The following CADM2 variants were observed in gnomAD, a reference collection of about 807,000 sequenced individuals.
CADM2 encodes immunoglobulin superfamily member 4D.
A neutral mutation model predicts 49.8 loss-of-function variants in CADM2; 12 were observed. That is an observed-to-expected ratio of 0.24 (90% CI 0.15 to 0.39). CADM2 has a LOEUF of 0.39. CADM2 is among the 10% of genes least tolerant of loss of function. The pLI, the probability that CADM2 is intolerant of heterozygous loss-of-function variation, is 1.00. For missense variants in CADM2, 378 were observed against 492.3 expected, an observed-to-expected ratio of 0.77 and a Z score of 2.20; for synonymous variants, 214 against 175.4, an observed-to-expected ratio of 1.22 and a Z score of -1.74.
intron 1 of CADM2, among the ~76,000 whole-genome samples, chr3:85,633,064 G>C (rs12493621): frequency 0.34 from 50,827 of 151,694 alleles, 9,449 homozygotes; most frequent in East Asian, 0.64. Flanking sequence ...TACTATTTGT[G>C]AAGTCTATTG....
intron 3 of CADM2, among the ~76,000 whole-genome samples, chr3:85,817,084 C>A (rs1339800791): frequency 6.6e-6 from 1 of 152,160 alleles, no homozygotes; most frequent in African/African-American, 2.4e-5. Context: ...CTCTTGTGAG[C>A]CACCCTTGGA....
chr3:86,039,440 C>T (rs561614012), intron 8 of CADM2, among the ~76,000 whole-genome samples: 5 of 152,268 alleles, frequency 3.3e-5, no homozygotes, highest in Admixed American at 2.6e-4. Context: ...GATTATATCC[C>T]ACGCCTGGCT....
intron 2 of CADM2, among the ~76,000 whole-genome samples, chr3:85,748,551 A>C (rs929726131): frequency 1.3e-5 from 2 of 152,064 alleles, no homozygotes; most frequent in Non-Finnish European, 2.9e-5. Context: ...TGCAAATAGG[A>C]TGGAGAAGAC....
intron 1 of CADM2, among the ~76,000 whole-genome samples, chr3:85,415,589 G>T (rs1375023758): frequency 6.6e-6 from 1 of 152,112 alleles, no homozygotes; most frequent in Non-Finnish European, 1.5e-5. Flanking sequence ...GATTGCATAT[G>T]AAATTAGCAG....
intron 1 of CADM2, among the ~76,000 whole-genome samples, chr3:85,465,505 A>G (rs773328824): frequency 3.3e-5 from 5 of 152,096 alleles, no homozygotes; most frequent in Non-Finnish European, 5.9e-5. Context: ...AAATTTATAT[A>G]TATTAAGTAC....
chr3:85,818,373 C>G (rs1298819331), intron 3 of CADM2, among the ~76,000 whole-genome samples: 4 of 152,086 alleles, frequency 2.6e-5, no homozygotes, highest in Admixed American at 6.6e-5. Context: ...TGAGTCTGTG[C>G]GACAAACAGC....
At chr3:85,442,592 ATATATATATATATATATAT>A (rs2037258418) in intron 1 of CADM2, among the ~76,000 whole-genome samples, 1 of 10,750 alleles carries the variant, frequency 9.3e-5, no homozygotes, top group Non-Finnish European at 8.8e-4. Context: ...ATATGAGTAT[ATATATATATATATATATAT>A]ATATATATAT....
chr3:85,592,612 A>ATT (rs2063137071), intron 1 of CADM2, among the ~76,000 whole-genome samples: 1 of 151,942 alleles, frequency 6.6e-6, no homozygotes, highest in Non-Finnish European at 1.5e-5. Context: ...AAAAGCATAT[A>ATT]TATTGGTGAG....
At chr3:85,933,371 G>A (rs1720825259) in intron 6 of CADM2, among the ~76,000 whole-genome samples, 1 of 152,020 alleles carries the variant, frequency 6.6e-6, no homozygotes, top group Non-Finnish European at 1.5e-5. Flanking sequence ...AATTCAATTT[G>A]CTTTGCTCAT....
intron 1 of CADM2, among the ~76,000 whole-genome samples, chr3:85,313,041 C>T (rs1159877154): frequency 2.0e-5 from 3 of 152,178 alleles, no homozygotes; most frequent in Non-Finnish European, 4.4e-5. Flanking sequence ...AGCTAAACAG[C>T]ACCATACATG....
chr3:85,771,213 C>T (rs187479296), intron 2 of CADM2, among the ~76,000 whole-genome samples: 242 of 152,228 alleles, frequency 1.6e-3, no homozygotes, highest in African/African-American at 5.4e-3. Context: ...GGGTCAGTAA[C>T]ATTAAATAAT....
chr3:85,627,340 T>C (rs989695599), intron 1 of CADM2, among the ~76,000 whole-genome samples: 2 of 152,038 alleles, frequency 1.3e-5, no homozygotes, highest in Non-Finnish European at 2.9e-5. Flanking sequence ...TGGGTCCTGA[T>C]TGTTTTCCTT....
At chr3:85,016,994 C>T (rs1434811934) in intron 1 of CADM2, among the ~76,000 whole-genome samples, 1 of 151,982 alleles carries the variant, frequency 6.6e-6, no homozygotes, top group Admixed American at 6.6e-5. Context: ...TGAAATCCAC[C>T]CACCAAAGAG....
intron 2 of CADM2, among the ~76,000 whole-genome samples, chr3:85,734,728 A>T (rs2068063807): frequency 6.8e-6 from 1 of 147,710 alleles, no homozygotes. Context: ...TATCTTTTTA[A>T]ATATAATATG....
intron 1 of CADM2, among the ~76,000 whole-genome samples, chr3:84,980,253 A>T (rs917349046): frequency 1.3e-5 from 2 of 152,170 alleles, no homozygotes; most frequent in African/African-American, 4.8e-5. Context: ...CTGCAGCTGC[A>T]GAGAACATTC....
intron 1 of CADM2, among the ~76,000 whole-genome samples, chr3:85,114,528 C>G (rs1337849524): frequency 6.6e-6 from 1 of 152,136 alleles, no homozygotes; most frequent in Non-Finnish European, 1.5e-5. Context: ...AGACATGGCT[C>G]TAGAAGTCTG....
intron 7 of CADM2, among the ~76,000 whole-genome samples, chr3:85,954,936 A>G (rs1723864511): frequency 6.6e-6 from 1 of 151,204 alleles, no homozygotes; most frequent in African/African-American, 2.4e-5. Flanking sequence ...CAGGAAATAG[A>G]GAGGGATTAA....
intron 1 of CADM2, among the ~76,000 whole-genome samples, chr3:85,281,330 C>G (rs556971700): frequency 6.6e-4 from 100 of 151,710 alleles, no homozygotes; most frequent in African/African-American, 2.3e-3. Flanking sequence ...TAAAAGATAT[C>G]CTAATGTATA....
intron 1 of CADM2, among the ~76,000 whole-genome samples, chr3:85,074,147 T>C (rs2036857632): frequency 6.6e-6 from 1 of 152,092 alleles, no homozygotes; most frequent in Admixed American, 6.6e-5. Flanking sequence ...TTTCTGCTAC[T>C]CCTTCCCACT....
Sources: gnomAD v4.1 joint callset for allele counts (sites outside exome capture counted in the v4.1 genomes callset) on GRCh38, gnomAD v4.1.1 for gene constraint, MANE v1.5 for transcripts, NCBI Gene and HGNC (gene_info 2026-07-23, HGNC 2026-07-21) for gene names.